Variants in EMILIN3 observed in about 807,000 individuals in gnomAD.
EMILIN3 encodes EMILIN-3.
EMILIN3 carries 38 observed loss-of-function variants against 42.8 expected under a neutral mutation model. That is an observed-to-expected ratio of 0.89 (90% CI 0.69 to 1.16). EMILIN3 has a LOEUF of 1.16. EMILIN3 is among the 50% of genes most tolerant of loss of function. The pLI, the probability that EMILIN3 is intolerant of heterozygous loss-of-function variation, is 0.00. For synonymous variants in EMILIN3, 430 were observed against 440.5 expected (o/e 0.98, Z 0.30); for missense variants, 924 against 999.5 (o/e 0.92, Z 1.02).
intron 2 of EMILIN3, 146 bp downstream of exon 2, chr20:41,364,889 C>G: frequency 3.0e-4 from 356 of 1,203,192 alleles, no homozygotes; most frequent in Middle Eastern, 8.6e-4. Flanking sequence ...TCTGGGGCCG[C>G]CTTCTACTCT....
Position 41,361,912 on chromosome 20 carries a change from T to C in EMILIN3, c.1657A>G (p.Ser553Gly). The part of the protein sequence containing the change: ...RSEALLRQVA[S>G]HAALLQQLNG... ...AGCTGCTGGAGCAGTGCTGCGTGGC[T>C]GGCCACCTGGCGTAGGAGGGCCTCG... The change falls in exon 4 of 4, where the codon AGC becomes GGC. Residue 553 changes from serine to glycine, a missense_variant. Coordinates refer to ENST00000332312, the MANE Select transcript of EMILIN3 (RefSeq NM_052846.2). 6.2e-7 allele frequency: 1 copy of C among 1,613,248 alleles called. No individual in the cohort carries two copies. Among genetic ancestry groups the C allele is most frequent in the East Asian group, 2.2e-5 (1 of 44,886 alleles).
rs373061467 is a variant in EMILIN3 at position 41,363,729 on chromosome 20, G to C, written c.423C>G (p.Pro141=). ...EHLTDHGAAS[P]QLEPEPQIPS... ...GAATCTGAGGCTCAGGCTCCAGCTG[G>C]GGTGAGGCAGCCCCATGGTCCGTGA... The change falls in exon 3 of 4, where the codon CCC becomes CCG. Residue 141 remains proline, a synonymous_variant. Transcript: ENST00000332312. 17 of 1,613,982 alleles carry C rather than the reference G, an allele frequency of 1.1e-5. No homozygotes were observed. Among genetic ancestry groups the C allele is most frequent in the East Asian group, 4.5e-5 (2 of 44,898 alleles).
chr20:41,366,655 C>A lies in EMILIN3; in HGVS notation c.-21G>T. 9.9e-7 allele frequency: 1 copy of A among 1,007,880 alleles called. No homozygotes were observed. Among genetic ancestry groups the A allele is most frequent in the Non-Finnish European group, 1.2e-6 (1 of 846,538 alleles). The allele number at this position is 1,007,880 out of a possible 1,614,324, so 62.4% of individuals were successfully genotyped here. ...CCCATAGCGGCCCCCGCGCCTCTGC[C>A]CGGCCCCGCGCGGTGCCCCCCGCCG... On this transcript the variant is annotated 5_prime_UTR_variant, in exon 1 of 4. Transcript: ENST00000332312. The surrounding 1 kb of genome is among the most constrained non-coding windows in gnomAD (Gnocchi z 4.2).
chr20:41,366,427 C>CGCTTCCT lies in EMILIN3; in HGVS notation c.167+40_167+41insAGGAAGC. 1.0e-5 allele frequency: 11 copies of CGCTTCCT among 1,101,590 alleles called. No homozygotes were observed. Among genetic ancestry groups the CGCTTCCT allele is most frequent in the Non-Finnish European group, 1.2e-5 (11 of 904,764 alleles). 68.2% of individuals were successfully genotyped at this position (1,101,590 alleles called of 1,614,324 possible). ...GGTGGGAGCGGCGACGCGCGCGGGCCCATCCCTCCCTCTTCCCGCCCGCCG... is the reference window on the plus strand; with the variant it reads ...GGTGGGAGCGGCGACGCGCGCGGGCCGCTTCCTCATCCCTCCCTCTTCCCGCCCGCCG... On this transcript the variant is annotated intron_variant, in intron 1 of 3. Coordinates refer to ENST00000332312, the MANE Select transcript of EMILIN3 (RefSeq NM_052846.2). This position sits in a 1 kb window ranked among gnomAD's most constrained non-coding sequence, Gnocchi z 4.2.
chr20:41,365,950 G>A lies in EMILIN3; in HGVS notation c.167+518C>T, dbSNP rs530131776. On this transcript the variant is annotated intron_variant, in intron 1 of 3. Transcript: ENST00000332312. ...TGCCACAGCACAGGCCCGGAGCCAG[G>A]AGCCCGCTCTGGCTCTGCAGCCCGG... Among the ~76,000 whole-genome samples, 30 of 152,316 alleles carry A rather than the reference G, an allele frequency of 2.0e-4. 1 individual carries two copies. The South Asian group carries it at 6.0e-3, about 30-fold the overall frequency.
At position 41,362,632 on chromosome 20, in the gene EMILIN3, C is replaced by G; in HGVS notation, c.937G>C (p.Gly313Arg). The stretch of plus-strand genomic sequence containing the variant: ...TGCTCAAAGCCATCCAGCAGGCTCC[C>G]CCAGAGTCGGTGCAGCCGTCGGTCC... ...YVDRRLHRLW[G>R]SLLDGFEQKL... Residue 313 changes from glycine to arginine, a missense_variant, in exon 4 of 4, where the codon GGG (glycine) becomes CGG (arginine). Transcript: ENST00000332312. The G allele has an allele frequency of 6.2e-7, 1 of 1,606,552 alleles. No individual in the cohort carries two copies.
rs573066326 is a variant in EMILIN3 at position 41,363,025 on chromosome 20, G to A, written c.544C>T (p.Arg182Trp). 1.9e-5 allele frequency: 30 copies of A among 1,598,592 alleles called. No homozygotes were observed. The highest frequency in any genetic ancestry group is 1.2e-4 in the Admixed American group (7 of 59,516). Reference protein sequence around the residue: ...GRKGPGLFGERLERLEGDVQR... With the variant: ...GRKGPGLFGEWLERLEGDVQR... Reference sequence around the variant, plus strand: ...ACATCACCCTCCAGGCGTTCCAGCCGCTCACCAAACAGCCCTGGGCCTTTC... The same window carrying A: ...ACATCACCCTCCAGGCGTTCCAGCCACTCACCAAACAGCCCTGGGCCTTTC... The change falls in exon 4 of 4, where the codon CGG (arginine) becomes TGG (tryptophan). Residue 182 changes from arginine to tryptophan, a missense_variant. Transcript: ENST00000332312.
In EMILIN3 at chr20:41,361,151, C is replaced by T; in HGVS notation, c.*117G>A. On this transcript the variant is annotated 3_prime_UTR_variant, in exon 4 of 4. Coordinates refer to ENST00000332312, the MANE Select transcript of EMILIN3 (RefSeq NM_052846.2). The stretch of plus-strand genomic sequence containing the variant: ...CGTGGAGGATTCCCTCAGTGGCCTC[C>T]TTAGTGCCATTTGGGCTAGCCAGGG... 9.6e-7 allele frequency: 1 copy of T among 1,041,228 alleles called. No individual in the cohort carries two copies. The highest frequency in any genetic ancestry group is 1.4e-6 in the Non-Finnish European group (1 of 736,846). 64.5% of individuals were successfully genotyped at this position (1,041,228 alleles called of 1,614,324 possible).
Position 41,362,231 on chromosome 20 carries a change from C to T in EMILIN3, c.1338G>A (p.Glu446=), listed in dbSNP as rs752362403. ...LEGLETLNGT[E]GGARGCCLRL... ...TCAGACAGCATCCCCTTGCTCCACC[C>T]TCTGTCCCATTGAGCGTCTCCAGAC... Residue 446 remains glutamate (E), a synonymous_variant, in exon 4 of 4, where the codon GAG becomes GAA. Transcript: ENST00000332312. 31 of 1,614,048 alleles carry T rather than the reference C, an allele frequency of 1.9e-5. No individual in the cohort carries two copies. In the Middle Eastern group the frequency reaches 4.9e-4, roughly 26 times the overall value.
chr20:41,365,225 A>G, intron 1 of EMILIN3, 68 bp from the exon 2 acceptor site: 1 of 1,578,452 alleles, frequency 6.3e-7, no homozygotes, highest in Non-Finnish European at 8.6e-7. Flanking sequence ...CTACCCTCCC[A>G]CCTCCATCTG....
chr20:41,365,419 C>T (rs1256869486), intron 1 of EMILIN3, among the ~76,000 whole-genome samples: 2 of 152,130 alleles, frequency 1.3e-5, no homozygotes, highest in African/African-American at 2.4e-5. Flanking sequence ...CCCCTCCCTG[C>T]GTGGGGAAGA....
Position 41,363,662 on chromosome 20 carries a change from T to C in EMILIN3, c.490A>G (p.Ser164Gly). The C allele has an allele frequency of 6.2e-7, 1 of 1,612,772 alleles. No individual in the cohort carries two copies. The highest frequency in any genetic ancestry group is 8.5e-7 in the Non-Finnish European group (1 of 1,179,492). The change falls in exon 3 of 4, where the codon AGC (serine) becomes GGC (glycine). Residue 164 changes from serine to glycine, a missense_variant. Transcript: ENST00000332312. The stretch of plus-strand genomic sequence containing the variant: ...CCATGAGGGCTGGGGGCTGCTCTGC[T>C]GTAGGAAGGGGGCCTGGGGCCTGGG... ...LDPGPRPPSY[S>G]RAAPSPHGRK...
Position 41,361,683 on chromosome 20 carries a change from T to C in EMILIN3, c.1886A>G (p.Glu629Gly), listed in dbSNP as rs1308238520. ...LDERERKVEA[E>G]VQAIQEQVSS... ...GACCTGCTCCTGGATGGCCTGGACTTCGGCTTCCACCTTGCGTTCCCGCTC... is the reference window on the plus strand; with the variant it reads ...GACCTGCTCCTGGATGGCCTGGACTCCGGCTTCCACCTTGCGTTCCCGCTC... The change falls in exon 4 of 4, where the codon GAA becomes GGA. Residue 629 changes from glutamate to glycine, a missense_variant. By Grantham distance (98) the Glu-to-Gly change is moderately conservative. Coordinates refer to ENST00000332312, the MANE Select transcript of EMILIN3 (RefSeq NM_052846.2). 1 of 1,607,508 alleles carries C rather than the reference T, an allele frequency of 6.2e-7. No individual in the cohort carries two copies. The highest frequency in any genetic ancestry group is 8.5e-7 in the Non-Finnish European group (1 of 1,176,038).
intron 1 of EMILIN3, 70 bp from the exon 2 acceptor site, chr20:41,365,227 C>G (rs2046387929): frequency 6.3e-7 from 1 of 1,582,842 alleles, no homozygotes; most frequent in Admixed American, 1.8e-5. Context: ...ACCCTCCCAC[C>G]TCCATCTGTG....
intron 1 of EMILIN3, 94 bp from the exon 2 acceptor site, chr20:41,365,251 C>T: frequency 6.6e-7 from 1 of 1,508,794 alleles, no homozygotes; most frequent in Non-Finnish European, 8.9e-7. Context: ...CTCAGCAGGA[C>T]TCCAAACTCC....
chr20:41,361,216 G>T lies in EMILIN3; in HGVS notation c.*52C>A. 6.7e-7 allele frequency: 1 copy of T among 1,500,904 alleles called. No individual in the cohort carries two copies. Among genetic ancestry groups the T allele is most frequent in the Non-Finnish European group, 9.0e-7 (1 of 1,112,724 alleles). 93.0% of individuals were successfully genotyped at this position (1,500,904 alleles called of 1,614,324 possible). ...CTGCTGGATAAGGCTGGGCTCTGGGGTGATGTTCCCCGAGTTGGTGGGATC... is the reference window on the plus strand; with the variant it reads ...CTGCTGGATAAGGCTGGGCTCTGGGTTGATGTTCCCCGAGTTGGTGGGATC... On this transcript the variant is annotated 3_prime_UTR_variant, in exon 4 of 4. Coordinates refer to ENST00000332312, the MANE Select transcript of EMILIN3 (RefSeq NM_052846.2).
Position 41,362,214 on chromosome 20 carries a change from C to T in EMILIN3, c.1355G>A (p.Cys452Tyr), listed in dbSNP as rs762335991. 6.2e-7 allele frequency: 1 copy of T among 1,613,972 alleles called. No individual in the cohort carries two copies. ...LNGTEGGARG[C>Y]CLRLDMGGWG... The stretch of plus-strand genomic sequence containing the variant: ...CCCCCCCATGTCCAACCTCAGACAG[C>T]ATCCCCTTGCTCCACCCTCTGTCCC... The change falls in exon 4 of 4, where the codon TGC becomes TAC. Residue 452 changes from cysteine to tyrosine, a missense_variant. Cys to Tyr is a radical substitution (Grantham distance 194). Coordinates refer to ENST00000332312, the MANE Select transcript of EMILIN3 (RefSeq NM_052846.2).
intron 2 of EMILIN3, 105 bp from the exon 3 acceptor site, chr20:41,363,966 A>G (rs2046381392): frequency 1.7e-5 from 18 of 1,069,454 alleles, no homozygotes; most frequent in South Asian, 1.5e-4. Context: ...AAGGCTGGGT[A>G]TCTCCCCACC....
Position 41,361,634 on chromosome 20 carries a change from C to A in EMILIN3, c.1935G>T (p.Gln645His). 6.2e-7 allele frequency: 1 copy of A among 1,608,356 alleles called. No individual in the cohort carries two copies. Residue 645 changes from glutamine (Q) to histidine (H), a missense_variant, in exon 4 of 4, where the codon CAG becomes CAT. Physicochemically the swap from Gln to His is conservative, Grantham distance 24 (BLOSUM62 0). Coordinates refer to ENST00000332312, the MANE Select transcript of EMILIN3 (RefSeq NM_052846.2). ...EQVSSQGSRL[Q>H]AGHRQVLNLR... is the part of the protein sequence containing the mutation. ...GGTTCAGGACCTGCCTGTGGCCAGC[C>A]TGAAGCCTGGAGCCTTGGCTGCTGA... is the stretch of plus-strand genomic sequence containing the variant.
Sources: allele counts gnomAD v4.1 joint callset (sites outside exome capture counted in the v4.1 genomes callset), GRCh38; gene constraint gnomAD v4.1.1; non-coding constraint Gnocchi (gnomAD v3.1); transcripts MANE v1.5; gene names NCBI Gene and HGNC (gene_info 2026-07-23, HGNC 2026-07-21).